The following TRAF3 variants were observed in gnomAD, a reference collection of about 807,000 sequenced individuals.
TRAF3 encodes the protein TNF receptor associated factor 3, also known as TNF receptor-associated factor 3.
In TRAF3, 13 loss-of-function variants were observed where a neutral mutation model predicts 62.3. The ratio of observed to expected loss-of-function variants is 0.21; its 90% confidence interval spans 0.14 to 0.33. The LOEUF is 0.33. TRAF3 is among the 10% of genes least tolerant of loss of function. The pLI, the probability that TRAF3 is intolerant of heterozygous loss-of-function variation, is 1.00. For synonymous variants in TRAF3, 269 were observed against 283.4 expected, an observed-to-expected ratio of 0.95 and a Z score of 0.51; for missense variants, 440 against 741.8, an observed-to-expected ratio of 0.59 and a Z score of 4.73.
intron 2 of TRAF3, among the ~76,000 whole-genome samples, chr14:102,866,852 C>A (rs1403716567): frequency 3.4e-5 from 2 of 59,284 alleles, no homozygotes; most frequent in Admixed American, 1.8e-4. Flanking sequence ...CTCTTGAAAA[C>A]ACACACACAC....
At chr14:102,890,980 T>C (rs1889678281) in intron 8 of TRAF3, among the ~76,000 whole-genome samples, 1 of 152,242 alleles carries the variant, frequency 6.6e-6, no homozygotes, top group Non-Finnish European at 1.5e-5. Context: ...TAGCTTATAA[T>C]AGGTCAAGAA....
At chr14:102,870,486 A>T (rs1450912455) in intron 3 of TRAF3, 40 bp downstream of exon 3, 1 of 1,608,086 alleles carries the variant, frequency 6.2e-7, no homozygotes, top group African/African-American at 1.3e-5. Flanking sequence ...GCCCCTTCTC[A>T]GCCCTCGGCC....
chr14:102,824,580 T>C (rs181524831), intron 1 of TRAF3, among the ~76,000 whole-genome samples: 34 of 152,346 alleles, frequency 2.2e-4, no homozygotes, highest in African/African-American at 7.2e-4. Context: ...GAGTTGCCTG[T>C]TTTTGAAGTG....
At chr14:102,870,814 C>T (rs549010479) in intron 3 of TRAF3, among the ~76,000 whole-genome samples, 12 of 152,212 alleles carry the variant, frequency 7.9e-5, no homozygotes, top group Middle Eastern at 3.4e-3. Context: ...GCAAGGATGC[C>T]GCAGAGAGGA....
intron 7 of TRAF3, among the ~76,000 whole-genome samples, chr14:102,887,140 CT>C (rs1889440428): frequency 6.6e-6 from 1 of 152,224 alleles, no homozygotes; most frequent in Non-Finnish European, 1.5e-5. Flanking sequence ...TTCAAGGATT[CT>C]TAATGTTTCT....
At chr14:102,795,693 GTGTCT>G (rs1187616505) in intron 1 of TRAF3, among the ~76,000 whole-genome samples, 1 of 151,770 alleles carries the variant, frequency 6.6e-6, no homozygotes, top group Non-Finnish European at 1.5e-5. Flanking sequence ...GTAATGTTGG[GTGTCT>G]TGCCTCCTTT....
At chr14:102,779,129 G>A (rs1897164011) in intron 1 of TRAF3, among the ~76,000 whole-genome samples, 1 of 152,186 alleles carries the variant, frequency 6.6e-6, no homozygotes, top group Non-Finnish European at 1.5e-5. Context: ...ACAGACCTTG[G>A]ATTCCAGCAT....
intron 2 of TRAF3, 25 bp from the exon 3 acceptor site, chr14:102,870,160 G>T (rs777282211): frequency 6.8e-6 from 11 of 1,613,778 alleles, no homozygotes; most frequent in Non-Finnish European, 9.3e-6. Flanking sequence ...GGATATGATG[G>T]CACTCTACTG....
chr14:102,842,391 A>G (rs1439778267), intron 2 of TRAF3, among the ~76,000 whole-genome samples: 2 of 151,656 alleles, frequency 1.3e-5, no homozygotes, highest in African/African-American at 2.4e-5. Context: ...ATTACGACAG[A>G]AGAAAAGAGT....
intron 6 of TRAF3, among the ~76,000 whole-genome samples, chr14:102,877,532 T>C (rs1888768815): frequency 6.7e-6 from 1 of 149,530 alleles, no homozygotes; most frequent in African/African-American, 2.5e-5. Context: ...GCTCAGCTCA[T>C]AGATAATCCA....
At chr14:102,781,462 G>T (rs577161556) in intron 1 of TRAF3, among the ~76,000 whole-genome samples, 13 of 152,218 alleles carry the variant, frequency 8.5e-5, no homozygotes, top group Middle Eastern at 3.4e-3. Context: ...TTCATTGCAG[G>T]TTGAAAGTCT....
chr14:102,864,359 G>A (rs1250698361), intron 2 of TRAF3, among the ~76,000 whole-genome samples: 11 of 151,756 alleles, frequency 7.2e-5, no homozygotes, highest in East Asian at 1.9e-4. Context: ...CGTGTTAGCC[G>A]GGATGGTCTC....
intron 1 of TRAF3, among the ~76,000 whole-genome samples, chr14:102,823,893 C>G (rs1019771932): frequency 6.6e-6 from 1 of 152,190 alleles, no homozygotes; most frequent in Non-Finnish European, 1.5e-5. Flanking sequence ...GTCTCTGTCA[C>G]TAAGCACCAT....
chr14:102,808,406 A>G (rs1022927399), intron 1 of TRAF3, among the ~76,000 whole-genome samples: 5 of 151,890 alleles, frequency 3.3e-5, no homozygotes, highest in African/African-American at 1.2e-4. Flanking sequence ...TTAGCTACTC[A>G]GGAGGCTGAG....
intron 2 of TRAF3, among the ~76,000 whole-genome samples, chr14:102,861,586 T>G (rs1887681382): frequency 6.6e-6 from 1 of 152,192 alleles, no homozygotes. Flanking sequence ...TCCTTTGGGT[T>G]GGGAGTCTCC....
intron 9 of TRAF3, among the ~76,000 whole-genome samples, chr14:102,895,640 C>T (rs1325417345): frequency 6.6e-6 from 1 of 152,190 alleles, no homozygotes; most frequent in African/African-American, 2.4e-5. Context: ...TAGACAGAGA[C>T]ACTCGTTAAT....
intron 1 of TRAF3, among the ~76,000 whole-genome samples, chr14:102,812,372 A>G (rs1324125128): frequency 6.6e-6 from 1 of 152,176 alleles, no homozygotes; most frequent in Admixed American, 6.5e-5. Context: ...TCCATTTTGT[A>G]TAGATACCAC....
intron 2 of TRAF3, among the ~76,000 whole-genome samples, chr14:102,857,847 A>G (rs572351091): frequency 1.3e-5 from 2 of 152,244 alleles, no homozygotes; most frequent in South Asian, 4.1e-4. Context: ...CACTTGTGCA[A>G]ATAACTATAT....
At chr14:102,847,667 G>C (rs1241094688) in intron 2 of TRAF3, among the ~76,000 whole-genome samples, 1 of 152,036 alleles carries the variant, frequency 6.6e-6, no homozygotes, top group African/African-American at 2.4e-5. Flanking sequence ...ATGACACACA[G>C]GTATGCCACT....
Sources: gnomAD v4.1 joint callset for allele counts (sites outside exome capture counted in the v4.1 genomes callset) on GRCh38, gnomAD v4.1.1 for gene constraint, MANE v1.5 for transcripts, NCBI Gene and HGNC (gene_info 2026-07-23, HGNC 2026-07-21) for gene names.